Variants in A2ML1 observed in about 807,000 individuals in gnomAD.
The protein encoded by A2ML1 is alpha-2-macroglobulin like 1, also known as alpha-2-macroglobulin-like protein 1.
A neutral mutation model predicts 181.9 loss-of-function variants in A2ML1; 161 were observed. That is an observed-to-expected ratio of 0.89 (90% CI 0.78 to 1.01). The LOEUF is 1.01. Among genes scored for constraint, A2ML1 ranks in the 50% least tolerant of loss-of-function variants. The pLI, the probability that A2ML1 is intolerant of heterozygous loss-of-function variation, is 0.00. For missense variants in A2ML1, 1,670 were observed against 1,768.1 expected, an observed-to-expected ratio of 0.94 and a Z score of 1.00; for synonymous variants, 663 against 666.8, an observed-to-expected ratio of 0.99 and a Z score of 0.09.
intron 18 of A2ML1, among the ~76,000 whole-genome samples, chr12:8,850,791 G>A (rs1007108470): frequency 1.3e-5 from 2 of 152,062 alleles, no homozygotes; most frequent in Non-Finnish European, 2.9e-5. Flanking sequence ...AGGCTGGAGT[G>A]CAGTGGCATG....
At chr12:8,857,395 C>T in intron 24 of A2ML1, 55 bp downstream of exon 24, 1 of 1,579,902 alleles carries the variant, frequency 6.3e-7, no homozygotes, top group Non-Finnish European at 8.6e-7. Context: ...GGCCCTATGA[C>T]AGATTGATGA....
chr12:8,881,821 C>T (rs768671779), intron 7 of A2ML1, among the ~76,000 whole-genome samples: 15 of 152,068 alleles, frequency 9.9e-5, no homozygotes, highest in Non-Finnish European at 1.8e-4. Flanking sequence ...ACCATCCTGG[C>T]TAACACGGTG....
chr12:8,837,385 G>A, intron 7 of A2ML1, 55 bp from the exon 8 acceptor site: 1 of 1,603,214 alleles, frequency 6.2e-7, no homozygotes, highest in Admixed American at 1.7e-5. Context: ...TGAGGGAAGA[G>A]TTGGATCTCA....
At chr12:8,847,743 A>C in intron 15 of A2ML1, 45 bp downstream of exon 15, 1 of 1,589,674 alleles carries the variant, frequency 6.3e-7, no homozygotes, top group Non-Finnish European at 8.6e-7. Flanking sequence ...GAGTTGATGG[A>C]GAAGACAATT....
chr12:8,837,408 C>A, intron 7 of A2ML1, 32 bp from the exon 8 acceptor site: 1 of 1,610,778 alleles, frequency 6.2e-7, no homozygotes, highest in South Asian at 1.1e-5. Context: ...TGGAATTTCC[C>A]AACTCTGACT....
intron 5 of A2ML1, 121 bp downstream of exon 5, chr12:8,834,803 C>G: frequency 7.9e-7 from 1 of 1,269,764 alleles, no homozygotes; most frequent in Non-Finnish European, 1.1e-6. Context: ...ATGACTCTGC[C>G]CAGCACCGAG....
chr12:8,857,448 G>A lies in A2ML1; in HGVS notation c.3026-59G>A, dbSNP rs754467010. 7.1e-5 allele frequency: 115 copies of A among 1,609,264 alleles called. 1 individual carries two copies. The East Asian group carries it at 1.2e-3, about 16-fold the overall frequency. ...CCTCAAGTGTCCCATATCCTTGAACGGCATGGGGGTGTTTTCTGAAGTTGT... is the reference window on the plus strand; with the variant it reads ...CCTCAAGTGTCCCATATCCTTGAACAGCATGGGGGTGTTTTCTGAAGTTGT... On this transcript the variant is annotated intron_variant, in intron 24 of 35. Transcript: ENST00000299698.
Position 8,841,387 on chromosome 12 carries a change from G to C in A2ML1, c.1099G>C (p.Asp367His). The change falls in exon 11 of 36, where the codon GAT becomes CAT. Residue 367 changes from aspartate to histidine, a missense_variant. Physicochemically the swap from Asp to His is moderately conservative, Grantham distance 81 (BLOSUM62 -1). Transcript: ENST00000299698. The part of the protein sequence containing the change: ...FSGKIRVRGH[D>H]DSFLKNHLVF... ...CCTTCAGATAAGAGTTAGGGGCCATGATGACTCCTTCCTCAAGAACCATCT... is the reference window on the plus strand; with the variant it reads ...CCTTCAGATAAGAGTTAGGGGCCATCATGACTCCTTCCTCAAGAACCATCT... 2 of 1,614,108 alleles carry C rather than the reference G, an allele frequency of 1.2e-6. No homozygotes were observed. Among genetic ancestry groups the C allele is most frequent in the Non-Finnish European group, 1.7e-6 (2 of 1,180,026 alleles).
chr12:8,875,781 TG>T (rs11287670), intron 35 of A2ML1: 127,899 of 152,020 alleles, frequency 0.84, 54,375 homozygotes, highest in Middle Eastern at 0.9. Flanking sequence ...AAAAAGCTAA[TG>T]CTTGGTATTA....
intron 3 of A2ML1, among the ~76,000 whole-genome samples, chr12:8,828,702 A>C (rs1030565986): frequency 2.0e-5 from 3 of 152,188 alleles, no homozygotes; most frequent in African/African-American, 4.8e-5. Flanking sequence ...ACAGCTGGGA[A>C]TGTGCTGAAT....
At chr12:8,829,929 G>A (rs1017659536) in intron 4 of A2ML1, 150 bp downstream of exon 4, 5 of 875,944 alleles carry the variant, frequency 5.7e-6, no homozygotes, top group Non-Finnish European at 8.7e-6. Context: ...GAAGTGCTGG[G>A]CGAGCTTCAG....
rs1428551689 is a variant in A2ML1, at chr12:8,852,369, A to G, written c.2590+33A>G. 2 of 1,612,722 alleles carry G rather than the reference A, an allele frequency of 1.2e-6. No individual in the cohort carries two copies. Among genetic ancestry groups the G allele is most frequent in the Admixed American group, 3.3e-5 (2 of 59,956 alleles). On this transcript the variant is annotated intron_variant, in intron 20 of 35. Transcript: ENST00000299698. The surrounding 1 kb of genome is among the most constrained non-coding windows in gnomAD (Gnocchi z 4.2). Reference sequence around the variant, plus strand: ...AGGGAAGTGGTAGACGGGCGAGGAAAGCCAGCAGCAGAAGACCAGTGACTG... The same window carrying G: ...AGGGAAGTGGTAGACGGGCGAGGAAGGCCAGCAGCAGAAGACCAGTGACTG...
intron 4 of A2ML1, among the ~76,000 whole-genome samples, chr12:8,830,334 G>A (rs1943070444): frequency 6.6e-6 from 1 of 152,080 alleles, no homozygotes; most frequent in Non-Finnish European, 1.5e-5. Flanking sequence ...TTACAGACAA[G>A]AGCCACCATG....
Position 8,839,216 on chromosome 12 carries a change from T to G in A2ML1, c.1074T>G (p.Ser358Arg). 6.2e-7 allele frequency: 1 copy of G among 1,610,774 alleles called. No homozygotes were observed. The highest frequency in any genetic ancestry group is 8.5e-7 in the Non-Finnish European group (1 of 1,177,486). The change falls in exon 10 of 36, where the codon AGT becomes AGG. Residue 358 changes from serine (S) to arginine (R), a missense_variant. Physicochemically the swap from Ser to Arg is moderately radical, Grantham distance 110. Transcript: ENST00000299698. The part of the protein sequence containing the change: ...SNFYHPNFPF[S>R]GKIRVRGHDD... The stretch of plus-strand genomic sequence containing the variant: ...TTTACCATCCAAATTTCCCCTTCAG[T>G]GGGAAGGTATGTTAAAACTTTTCTC...
chr12:8,837,200 A>C (rs977010948), intron 7 of A2ML1, among the ~76,000 whole-genome samples: 4 of 152,018 alleles, frequency 2.6e-5, no homozygotes, highest in African/African-American at 9.7e-5. Flanking sequence ...TTGTATTTTT[A>C]GTAGAGACAG....
At chr12:8,870,662 T>C (rs1328007750) in intron 33 of A2ML1, among the ~76,000 whole-genome samples, 2 of 152,206 alleles carry the variant, frequency 1.3e-5, no homozygotes, top group Admixed American at 6.5e-5. Context: ...GCCAAGTTTA[T>C]GATGCTTTCA....
At chr12:8,860,995 C>T in intron 27 of A2ML1, 40 bp downstream of exon 27, 2 of 1,610,994 alleles carry the variant, frequency 1.2e-6, no homozygotes, top group East Asian at 2.2e-5. Flanking sequence ...CCCTCCTTCT[C>T]ATGCGTATTC....
At chr12:8,839,332 A>T (rs1196288396) in intron 10 of A2ML1, 110 bp downstream of exon 10, 6 of 643,152 alleles carry the variant, frequency 9.3e-6, no homozygotes, top group Non-Finnish European at 1.6e-5. Context: ...CAAGTACTTT[A>T]TGTGTATTCA....
chr12:8,838,585 A>AG, intron 9 of A2ML1, 135 bp downstream of exon 9: 1 of 603,960 alleles, frequency 1.7e-6, no homozygotes, highest in East Asian at 3.0e-5. Context: ...TTCATAGTCA[A>AG]GGGGAAATAC....
Sources: allele counts gnomAD v4.1 joint callset (sites outside exome capture counted in the v4.1 genomes callset), GRCh38; gene constraint gnomAD v4.1.1; non-coding constraint Gnocchi (gnomAD v3.1); transcripts MANE v1.5; gene names NCBI Gene and HGNC (gene_info 2026-07-23, HGNC 2026-07-21).